Variants in THSD4 observed in about 807,000 individuals in gnomAD.
THSD4 encodes thrombospondin type 1 domain containing 4, also known as thrombospondin type-1 domain-containing protein 4.
Under a neutral mutation model 119.0 loss-of-function variants are expected in THSD4, and 69 were observed. That is an observed-to-expected ratio of 0.58 (90% CI 0.48 to 0.71). THSD4 has a LOEUF of 0.71. Among genes scored for constraint, THSD4 ranks in the 30% least tolerant of loss-of-function variants. The probability of loss-of-function intolerance (pLI) is 0.00; values close to 1 mark genes in which losing one functional copy is unlikely to be tolerated. For missense variants in THSD4, 1,393 were observed against 1,391.1 expected (o/e 1.00, Z -0.02); for synonymous variants, 524 against 540.4 (o/e 0.97, Z 0.42).
chr15:71,193,797 T>C (rs990416775), intron 3 of THSD4, among the ~76,000 whole-genome samples: 105 of 152,134 alleles, frequency 6.9e-4, no homozygotes, highest in African/African-American at 2.4e-3. Flanking sequence ...AAGCTCCGCC[T>C]CCCGGGTTCA....
intron 6 of THSD4, among the ~76,000 whole-genome samples, chr15:71,322,958 G>GGAGC: frequency 6.6e-6 from 1 of 151,828 alleles, no homozygotes; most frequent in Non-Finnish European, 1.5e-5. Context: ...TTAGTTGGGT[G>GGAGC]TGGTAACACA....
intron 7 of THSD4, among the ~76,000 whole-genome samples, chr15:71,539,264 C>A (rs1034653908): frequency 6.6e-6 from 1 of 152,244 alleles, no homozygotes; most frequent in Admixed American, 6.5e-5. Context: ...TTCTGCTTCT[C>A]CTTTCCTGCA....
At chr15:71,662,941 G>C (rs1258790050) in intron 8 of THSD4, among the ~76,000 whole-genome samples, 8 of 152,066 alleles carry the variant, frequency 5.3e-5, no homozygotes, top group Admixed American at 2.0e-4. Flanking sequence ...ATGAAGGGAA[G>C]GCAGAGGGAA....
intron 3 of THSD4, among the ~76,000 whole-genome samples, chr15:71,159,305 T>G (rs1009100238): frequency 1.3e-5 from 2 of 152,208 alleles, no homozygotes; most frequent in Non-Finnish European, 2.9e-5. Context: ...TGGGGTCTTT[T>G]GTGGTTCCAT....
chr15:71,632,195 T>G (rs1456643422), intron 7 of THSD4, among the ~76,000 whole-genome samples: 20 of 152,228 alleles, frequency 1.3e-4, no homozygotes, highest in Admixed American at 1.3e-3. Context: ...TCCTGTTTCC[T>G]TCTCTTCCTT....
chr15:71,285,879 A>AG (rs2044710822), intron 6 of THSD4, among the ~76,000 whole-genome samples: 1 of 150,730 alleles, frequency 6.6e-6, no homozygotes, highest in African/African-American at 2.5e-5. Flanking sequence ...AAAAAAAAAA[A>AG]AAAAAATTCT....
intron 7 of THSD4, among the ~76,000 whole-genome samples, chr15:71,595,913 A>G (rs954274654): frequency 2.0e-5 from 3 of 152,212 alleles, no homozygotes; most frequent in Non-Finnish European, 1.5e-5. Context: ...TTTGTTAACT[A>G]TGCACATCGA....
Position 71,199,156 on chromosome 15 carries a change from A to T in THSD4, c.100-15879A>T, listed in dbSNP as rs1322782185. Among the ~76,000 whole-genome samples the T allele has an allele frequency of 3.3e-5, 5 of 152,288 alleles. No individual in the cohort carries two copies. The East Asian group carries it at 7.7e-4, about 24-fold the overall frequency. Reference sequence around the variant, plus strand: ...CTCAGGGATACCACTCGGGGTCCCCATGTGTCCTCCCACAATCCCATTCCC... The same window carrying T: ...CTCAGGGATACCACTCGGGGTCCCCTTGTGTCCTCCCACAATCCCATTCCC... On this transcript the variant is annotated intron_variant, in intron 3 of 17. Coordinates refer to ENST00000261862, the MANE Select transcript of THSD4 (RefSeq NM_024817.3).
chr15:71,542,396 A>G (rs530842096), intron 7 of THSD4, among the ~76,000 whole-genome samples: 2 of 152,304 alleles, frequency 1.3e-5, no homozygotes, highest in African/African-American at 4.8e-5. Context: ...AAGGAAAAAT[A>G]CTATCTTTAC....
In THSD4 at chr15:71,589,873, A is replaced by G. The variant is rs2049761819; in HGVS notation, c.1153-70657A>G. On this transcript the variant is annotated intron_variant, in intron 7 of 17. Coordinates refer to ENST00000261862, the MANE Select transcript of THSD4 (RefSeq NM_024817.3). ...GTAATGAAGTACAGAGTAACACTTT[A>G]AAAACAGGAAAACTAGAGCCACATG... 1.4e-5 allele frequency among the ~76,000 whole-genome samples: 2 copies of G among 139,474 alleles called. 1 individual carries two copies. The highest frequency in any genetic ancestry group is 3.3e-5 in the Non-Finnish European group (2 of 61,286). 91.5% of individuals were successfully genotyped at this position (139,474 alleles called of 152,430 possible). A position where few individuals can be genotyped will look rare whatever the true frequency, so the allele number is the denominator to read the frequency against.
At chr15:71,541,832 G>A (rs1012530359) in intron 7 of THSD4, among the ~76,000 whole-genome samples, 1 of 152,200 alleles carries the variant, frequency 6.6e-6, no homozygotes, top group African/African-American at 2.4e-5. Flanking sequence ...GGGAGTACCA[G>A]GAAAGAAGGT....
intron 8 of THSD4, among the ~76,000 whole-genome samples, chr15:71,712,265 A>G (rs2052532124): frequency 6.6e-6 from 1 of 152,224 alleles, no homozygotes; most frequent in Non-Finnish European, 1.5e-5. Flanking sequence ...ACACTTCTAA[A>G]CAATCACTGA....
intron 5 of THSD4, among the ~76,000 whole-genome samples, chr15:71,253,821 A>C (rs2044285455): frequency 6.6e-6 from 1 of 152,228 alleles, no homozygotes; most frequent in Non-Finnish European, 1.5e-5. Flanking sequence ...CACCTTCCAG[A>C]GATAACACTT....
At chr15:71,436,191 T>G in intron 7 of THSD4, among the ~76,000 whole-genome samples, 1 of 152,054 alleles carries the variant, frequency 6.6e-6, no homozygotes, top group Non-Finnish European at 1.5e-5. Context: ...TCTGTGGAGA[T>G]CAGCTCAGAC....
chr15:71,638,013 C>T (rs1017178881), intron 7 of THSD4, among the ~76,000 whole-genome samples: 20 of 152,092 alleles, frequency 1.3e-4, no homozygotes, highest in Non-Finnish European at 2.2e-4. Context: ...AGGTGTGAGC[C>T]GCTGTGCCCA....
intron 12 of THSD4, 34 bp downstream of exon 12, chr15:71,745,269 C>T: frequency 1.2e-6 from 2 of 1,611,916 alleles, no homozygotes; most frequent in Non-Finnish European, 1.7e-6. Flanking sequence ...TCGCCTATTA[C>T]CGGGTCACTT....
intron 7 of THSD4, among the ~76,000 whole-genome samples, chr15:71,629,221 G>A (rs574178384): frequency 3.5e-4 from 54 of 152,310 alleles, no homozygotes; most frequent in African/African-American, 1.2e-3. Context: ...TGAACTGGCA[G>A]TAGAGACCCG....
intron 7 of THSD4, among the ~76,000 whole-genome samples, chr15:71,486,883 C>T (rs535676948): frequency 4.6e-4 from 70 of 152,194 alleles, no homozygotes; most frequent in South Asian, 4.2e-3. Flanking sequence ...TTTGCCTTTT[C>T]GGGGTCCTGC....
intron 3 of THSD4, among the ~76,000 whole-genome samples, chr15:71,185,145 T>C (rs989803268): frequency 6.6e-6 from 1 of 151,772 alleles, no homozygotes; most frequent in Non-Finnish European, 1.5e-5. Context: ...TTAAAACTGT[T>C]AATTCTCTAA....
Sources: gnomAD v4.1 joint callset for allele counts (sites outside exome capture counted in the v4.1 genomes callset) on GRCh38, gnomAD v4.1.1 for gene constraint, MANE v1.5 for transcripts, NCBI Gene and HGNC (gene_info 2026-07-23, HGNC 2026-07-21) for gene names.